Variants in CCSAP observed in about 807,000 individuals in gnomAD.
The protein encoded by CCSAP is centriole, cilia and spindle-associated protein.
CCSAP carries 17 observed loss-of-function variants against 25.9 expected under a neutral mutation model. The ratio of observed to expected loss-of-function variants is 0.66; its 90% confidence interval spans 0.45 to 0.99. The LOEUF (loss-of-function observed/expected upper bound fraction) is 0.99, where lower values mean the gene tolerates loss of function less well. CCSAP is among the 50% of genes least tolerant of loss of function. The pLI is 0.00. For synonymous variants in CCSAP, 169 were observed against 157.1 expected (o/e 1.08, Z -0.57); for missense variants, 339 against 367.8 (o/e 0.92, Z 0.64).
chr1:229,335,123 G>C (rs2102696806), intron 2 of CCSAP, among the ~76,000 whole-genome samples: 1 of 152,168 alleles, frequency 6.6e-6, no homozygotes, highest in East Asian at 1.9e-4. Flanking sequence ...AGACCAGCTA[G>C]GCAACATAGC....
At chr1:229,334,813 T>C (rs1288467216) in intron 2 of CCSAP, among the ~76,000 whole-genome samples, 1 of 151,808 alleles carries the variant, frequency 6.6e-6, no homozygotes, top group Admixed American at 6.6e-5. Context: ...TCTCTTCCTC[T>C]CCAAATCCTA....
intron 2 of CCSAP, chr1:229,327,438 C>A (rs1657965762): frequency 2.3e-6 from 1 of 434,564 alleles, no homozygotes; most frequent in Non-Finnish European, 4.7e-6. Context: ...TTACTCCACC[C>A]GAAAATGCTC....
rs71561730 is a variant in CCSAP at position 229,341,193 on chromosome 1, C to CAAAAAAAAAAAAAAAAAAAAA, written c.367+905_367+906insTTTTTTTTTTTTTTTTTTTTT. On this transcript the variant is annotated intron_variant, in intron 2 of 3. Coordinates refer to ENST00000284617, the MANE Select transcript of CCSAP (RefSeq NM_145257.5). ...TGGGCCACAGAGCGAGACTCCGTCTCAAAAAAAAAAAAAAAAAAAGATTAC... is the reference window on the plus strand; with the variant it reads ...TGGGCCACAGAGCGAGACTCCGTCTCAAAAAAAAAAAAAAAAAAAAAAAAAAAAAAAAAAAAAAAAGATTAC... Among the ~76,000 whole-genome samples, 19 of 91,094 alleles carry CAAAAAAAAAAAAAAAAAAAAA rather than the reference C, an allele frequency of 2.1e-4. 1 individual carries two copies. The highest frequency in any genetic ancestry group is 8.2e-4 in the African/African-American group (17 of 20,784). The allele number at this position is 91,094 out of a possible 152,430, so 59.8% of individuals were successfully genotyped here. A position where few individuals can be genotyped will look rare whatever the true frequency, so the allele number is the denominator to read the frequency against.
At chr1:229,331,900 C>T (rs1428399738) in intron 2 of CCSAP, among the ~76,000 whole-genome samples, 1 of 151,742 alleles carries the variant, frequency 6.6e-6, no homozygotes, top group East Asian at 1.9e-4. Context: ...ACTGCAACCT[C>T]TGCCTCCCGA....
At chr1:229,337,322 C>A (rs1658215668) in intron 2 of CCSAP, among the ~76,000 whole-genome samples, 1 of 151,956 alleles carries the variant, frequency 6.6e-6, no homozygotes, top group Admixed American at 6.6e-5. Context: ...ATGGCATGGT[C>A]CTTCTCAACA....
At chr1:229,334,507 G>A (rs531424826) in intron 2 of CCSAP, among the ~76,000 whole-genome samples, 1 of 151,116 alleles carries the variant, frequency 6.6e-6, no homozygotes, top group South Asian at 2.1e-4. Context: ...GAAAGGCAGG[G>A]GGCAAAAAAA....
intron 2 of CCSAP, among the ~76,000 whole-genome samples, chr1:229,328,890 C>T (rs564697089): frequency 2.0e-5 from 3 of 152,270 alleles, no homozygotes; most frequent in South Asian, 2.1e-4. Flanking sequence ...TGTCTGAATC[C>T]GGGTGTCATG....
chr1:229,338,750 C>CA (rs1322829963), intron 2 of CCSAP, among the ~76,000 whole-genome samples: 1 of 151,844 alleles, frequency 6.6e-6, no homozygotes, highest in East Asian at 1.9e-4. Context: ...AGAAAACAAA[C>CA]GAAAAATTCT....
chr1:229,325,840 C>G (rs1485711757), intron 3 of CCSAP, among the ~76,000 whole-genome samples: 1 of 152,204 alleles, frequency 6.6e-6, no homozygotes, highest in Non-Finnish European at 1.5e-5. Context: ...GATTTTACCA[C>G]CTAAGATGTC....
intron 2 of CCSAP, among the ~76,000 whole-genome samples, chr1:229,327,927 C>T (rs975003126): frequency 4.0e-5 from 6 of 150,920 alleles, no homozygotes; most frequent in African/African-American, 1.2e-4. Context: ...ACACTTGCAA[C>T]GGAAATTACC....
At chr1:229,327,520 T>C in intron 2 of CCSAP, 1 of 456,190 alleles carries the variant, frequency 2.2e-6, no homozygotes, top group South Asian at 1.5e-5. Context: ...CAGGGAGTGA[T>C]TTCCATCGTT....
Position 229,323,761 on chromosome 1 carries a change from T to C in CCSAP, c.*1474A>G, listed in dbSNP as rs1657878677. 1 of 152,218 alleles carries C rather than the reference T, an allele frequency of 6.6e-6. No individual in the cohort carries two copies. 9.4% of individuals were successfully genotyped at this position (152,218 alleles called of 1,614,324 possible). On this transcript the variant is annotated 3_prime_UTR_variant, in exon 4 of 4. Transcript: ENST00000284617. ...GTTTTCAAAGCTTAAACAGTTATCA[T>C]GTGTGAAGAGTTTATGGGGAATGAA...
rs1209146669 is a variant in CCSAP at position 229,342,708 on chromosome 1, G to T, written c.-48-195C>A. Among the ~76,000 whole-genome samples the T allele has an allele frequency of 6.6e-6, 1 of 152,026 alleles. No homozygotes were observed. Among genetic ancestry groups the T allele is most frequent in the Non-Finnish European group, 1.5e-5 (1 of 67,960 alleles). ...CAGAGGCGGGGACCGGGGCTGCTGG[G>T]GTCGAGGGGCGCGCCGCCGAGGAGG... On this transcript the variant is annotated intron_variant, in intron 1 of 3. Coordinates refer to ENST00000284617, the MANE Select transcript of CCSAP (RefSeq NM_145257.5). This position sits in a 1 kb window ranked among gnomAD's most constrained non-coding sequence, Gnocchi z 7.5.
rs1657945500 is a variant in CCSAP, at chr1:229,326,572, A to C, written c.636+166T>G. Among the ~76,000 whole-genome samples, 3 of 152,224 alleles carry C rather than the reference A, an allele frequency of 2.0e-5. No homozygotes were observed. In the South Asian group the frequency reaches 6.2e-4, roughly 32 times the overall value. ...AACATGCAGAATCCTCCTTTGGTTCATCAGAGGCTCCATTCTGGAGTTCCC... is the reference window on the plus strand; with the variant it reads ...AACATGCAGAATCCTCCTTTGGTTCCTCAGAGGCTCCATTCTGGAGTTCCC... On this transcript the variant is annotated intron_variant, in intron 3 of 3. Transcript: ENST00000284617.
At position 229,337,670 on chromosome 1, in the gene CCSAP, C is replaced by CAAAA. The variant is rs539736168; in HGVS notation, c.367+4425_367+4428dup. On this transcript the variant is annotated intron_variant, in intron 2 of 3. Transcript: ENST00000284617. ...CTAGACTGGAACAAGATCAAAGGCTCAAAAAAAAATATATATATATATATA... is the reference window on the plus strand; with the variant it reads ...CTAGACTGGAACAAGATCAAAGGCTCAAAAAAAAAAAAATATATATATATATATA... Among the ~76,000 whole-genome samples, 52 of 56,026 alleles carry CAAAA rather than the reference C, an allele frequency of 9.3e-4. 1 individual carries two copies. Among genetic ancestry groups the CAAAA allele is most frequent in the African/African-American group, 3.6e-3 (49 of 13,452 alleles). The allele number at this position is 56,026 out of a possible 152,430, so 36.8% of individuals were successfully genotyped here.
Position 229,342,266 on chromosome 1 carries a change from G to C in CCSAP, c.200C>G (p.Ser67Trp). ...SSEDSASSES[S>W]GAGGPAPRCA... ...CCGGGGTGCGGGGCCCCCGGCGCCC[G>C]ACGACTCTGACGACGCCGAGTCCTC... The change falls in exon 2 of 4, where the codon TCG (serine) becomes TGG (tryptophan). Residue 67 changes from serine (S) to tryptophan (W), a missense_variant. Transcript: ENST00000284617. This position sits in a 1 kb window ranked among gnomAD's most constrained non-coding sequence, Gnocchi z 7.5. 7.7e-7 allele frequency: 1 copy of C among 1,305,842 alleles called. No individual in the cohort carries two copies. The highest frequency in any genetic ancestry group is 2.3e-5 in the South Asian group (1 of 44,440). 80.9% of individuals were successfully genotyped at this position (1,305,842 alleles called of 1,614,324 possible).
chr1:229,332,139 G>A (rs1021302520), intron 2 of CCSAP, among the ~76,000 whole-genome samples: 1 of 152,216 alleles, frequency 6.6e-6, no homozygotes, highest in South Asian at 2.1e-4. Context: ...CACTGCGCCC[G>A]GCCTCTAGTA....
chr1:229,331,653 A>G (rs1158185925), intron 2 of CCSAP, among the ~76,000 whole-genome samples: 2 of 151,830 alleles, frequency 1.3e-5, no homozygotes, highest in African/African-American at 4.8e-5. Flanking sequence ...GCAGGACTCT[A>G]ATCTTCCACA....
chr1:229,338,011 A>C (rs1197821143), intron 2 of CCSAP, among the ~76,000 whole-genome samples: 1 of 152,142 alleles, frequency 6.6e-6, no homozygotes, highest in Admixed American at 6.5e-5. Context: ...AAAAAAATGT[A>C]ATCAGAATAT....
Sources: gnomAD v4.1 joint callset for allele counts (sites outside exome capture counted in the v4.1 genomes callset) on GRCh38, gnomAD v4.1.1 for gene constraint, Gnocchi (gnomAD v3.1) non-coding constraint, MANE v1.5 for transcripts, NCBI Gene and HGNC (gene_info 2026-07-23, HGNC 2026-07-21) for gene names.